CDON: variants seen among roughly 807,000 people sequenced by gnomAD.
CDON encodes cell adhesion associated, oncogene regulated, also known as cell adhesion molecule-related/down-regulated by oncogenes.
Under a neutral mutation model 120.9 loss-of-function variants are expected in CDON, and 73 were observed. The ratio of observed to expected loss-of-function variants is 0.60; its 90% CI spans 0.50 to 0.73. The LOEUF is 0.73. Ranked by LOEUF, CDON falls within the 30% of genes least tolerant of loss-of-function variation. The pLI, the probability that CDON is intolerant of heterozygous loss-of-function variation, is 0.00. For synonymous variants in CDON, 566 were observed against 573.5 expected (o/e 0.99, Z 0.19); for missense variants, 1,470 against 1,587.3 (o/e 0.93, Z 1.26).
intron 12 of CDON, among the ~76,000 whole-genome samples, chr11:125,995,952 G>T (rs1027489964): frequency 6.6e-6 from 1 of 152,162 alleles, no homozygotes; most frequent in Non-Finnish European, 1.5e-5. Flanking sequence ...GTCTTTTATG[G>T]TTTAATTTCT....
In CDON at chr11:125,960,643, T is replaced by C. The variant is rs1945616522; in HGVS notation, c.*299A>G. On this transcript the variant is annotated 3_prime_UTR_variant, in exon 20 of 20. Coordinates refer to ENST00000531738, the MANE Select transcript of CDON (RefSeq NM_001378964.1). ...TCCTTTGCATGAGGAGCTCTTGCTG[T>C]CACTATAGCTGTTAGAAAACATGGA... 2.7e-6 allele frequency: 1 copy of C among 374,178 alleles called. No individual in the cohort carries two copies. Among genetic ancestry groups the C allele is most frequent in the Non-Finnish European group, 4.9e-6 (1 of 203,178 alleles). 23.2% of individuals were successfully genotyped at this position (374,178 alleles called of 1,614,324 possible).
chr11:125,997,466 T>G lies in CDON; in HGVS notation c.2159-56A>C, dbSNP rs745629970. 9.3e-6 allele frequency: 12 copies of G among 1,292,044 alleles called. No homozygotes were observed. In the African/African-American group the frequency reaches 1.6e-4, roughly 17 times the overall value. The allele number at this position is 1,292,044 out of a possible 1,614,324, so 80.0% of individuals were successfully genotyped here. Reference sequence around the variant, plus strand: ...CACCATGTCAGAGACAAGAATAACATAGTTAAATTAAAGGGATAAGTCCCA... The same window carrying G: ...CACCATGTCAGAGACAAGAATAACAGAGTTAAATTAAAGGGATAAGTCCCA... On this transcript the variant is annotated intron_variant, in intron 11 of 19. Transcript: ENST00000531738.
chr11:126,045,853 C>A (rs909337430), intron 1 of CDON, among the ~76,000 whole-genome samples: 1 of 151,916 alleles, frequency 6.6e-6, no homozygotes, highest in Non-Finnish European at 1.5e-5. Flanking sequence ...GCCTGTAATC[C>A]CAGCTACTTT....
At chr11:125,971,392 A>AAAT (rs1447017262) in intron 18 of CDON, among the ~76,000 whole-genome samples, 1 of 143,286 alleles carries the variant, frequency 7.0e-6, no homozygotes. Context: ...CTAAATAAAT[A>AAAT]AATAAATAAA....
chr11:126,020,131 C>A (rs1947592138), intron 3 of CDON, among the ~76,000 whole-genome samples: 1 of 152,164 alleles, frequency 6.6e-6, no homozygotes, highest in South Asian at 2.1e-4. Context: ...GAAGTCACGG[C>A]ACCCTTTTTC....
At chr11:126,006,679 C>T (rs967596812) in intron 8 of CDON, among the ~76,000 whole-genome samples, 1 of 152,042 alleles carries the variant, frequency 6.6e-6, no homozygotes, top group African/African-American at 2.4e-5. Context: ...CCAAGGGGAT[C>T]CTGCAACTAC....
rs190706373 is a variant in CDON, at chr11:125,989,397, G to A, written c.2773+240C>T. 6.6e-3 allele frequency among the ~76,000 whole-genome samples: 1,010 copies of A among 152,226 alleles called. 5 individuals are homozygous for A. The highest frequency in any genetic ancestry group is 0.023 in the African/African-American group (955 of 41,546). ...CTAAAATTACAAAAATTAGCCAGGC[G>A]TGGTGGTGCGCACCTGCAGCCCCAG... On this transcript the variant is annotated intron_variant, in intron 15 of 19. Transcript: ENST00000531738.
Position 126,005,796 on chromosome 11 carries a change from C to A in CDON, c.1814G>T (p.Gly605Val), listed in dbSNP as rs1444575526. 11 of 1,613,976 alleles carry A rather than the reference C, an allele frequency of 6.8e-6. No individual in the cohort carries two copies. The highest frequency in any genetic ancestry group is 9.3e-6 in the Non-Finnish European group (11 of 1,180,012). Residue 605 changes from glycine to valine, a missense_variant, in exon 9 of 20, where the codon GGG (glycine) becomes GTG (valine). Transcript: ENST00000531738. The part of the protein sequence containing the change: ...NLVWRAGKDG[G>V]LPINAYFVKY... ...CACAAAGTAAGCATTGATGGGCAGC[C>A]CACCATCCTTGCCTGCCCTCCACAC...
intron 16 of CDON, 101 bp from the exon 17 acceptor site, chr11:125,981,430 G>A (rs1010787246): frequency 9.3e-6 from 11 of 1,179,506 alleles, no homozygotes; most frequent in Admixed American, 5.6e-5. Flanking sequence ...ACGCACACAC[G>A]CACACACGCA....
intron 18 of CDON, among the ~76,000 whole-genome samples, chr11:125,962,304 T>C (rs1945667637): frequency 6.6e-6 from 1 of 152,174 alleles, no homozygotes; most frequent in African/African-American, 2.4e-5. Flanking sequence ...CATTATTAAC[T>C]GGCTCCCAAA....
chr11:125,959,905 G>A lies in CDON; in HGVS notation c.*1037C>T, dbSNP rs1945592959. The stretch of plus-strand genomic sequence containing the variant: ...GAGAAACAGTCAAAAAGAGCCCATA[G>A]TGGCCATTTTATAAATTAATGTAAT... On this transcript the variant is annotated 3_prime_UTR_variant, in exon 20 of 20. Transcript: ENST00000531738. 1 of 152,038 alleles carries A rather than the reference G, an allele frequency of 6.6e-6. No individual in the cohort carries two copies. Among genetic ancestry groups the A allele is most frequent in the African/African-American group, 2.4e-5 (1 of 41,396 alleles). 9.4% of individuals were successfully genotyped at this position (152,038 alleles called of 1,614,324 possible).
rs757303464 is a variant in CDON, at chr11:125,995,060, G to T, written c.2363-8C>A. The T allele has an allele frequency of 6.2e-7, 1 of 1,609,400 alleles. No homozygotes were observed. ...TAAATTTGTATGTTGAACCTTTGAG[G>T]GAAAACAAAAACAAACAAACAACAA... On this transcript the variant is annotated splice_region_variant and splice_polypyrimidine_tract_variant and intron_variant, in intron 12 of 19. Coordinates refer to ENST00000531738, the MANE Select transcript of CDON (RefSeq NM_001378964.1).
At chr11:126,018,002 C>T (rs993479057) in intron 5 of CDON, among the ~76,000 whole-genome samples, 2 of 152,054 alleles carry the variant, frequency 1.3e-5, no homozygotes, top group African/African-American at 4.8e-5. Context: ...CACGTTCAAG[C>T]GATTCTACTG....
chr11:125,989,901 A>T, intron 14 of CDON, 142 bp from the exon 15 acceptor site: 1 of 719,756 alleles, frequency 1.4e-6, no homozygotes, highest in South Asian at 1.6e-5. Context: ...ACTTAATAGT[A>T]AGTATTTGAC....
chr11:126,056,727 A>C (rs924012346), intron 1 of CDON, among the ~76,000 whole-genome samples: 1 of 152,230 alleles, frequency 6.6e-6, no homozygotes, highest in African/African-American at 2.4e-5. Context: ...CAAATTCTGA[A>C]TGTATAGGCA....
Position 126,021,334 on chromosome 11 carries a change from T to C in CDON, c.263A>G (p.Asn88Ser). The stretch of plus-strand genomic sequence containing the variant: ...CTGGTAGTAACCCAAAAGAGAGGAG[T>C]TGAGAGAAAGAATTGTCAGAGTCCC... ...HQGTLTILSL[N>S]SSLLGYYQCL... The change falls in exon 3 of 20, where the codon AAC becomes AGC. Residue 88 changes from asparagine (N) to serine (S), a missense_variant. Coordinates refer to ENST00000531738, the MANE Select transcript of CDON (RefSeq NM_001378964.1). 2 of 1,613,806 alleles carry C rather than the reference T, an allele frequency of 1.2e-6. No homozygotes were observed. The highest frequency in any genetic ancestry group is 2.2e-5 in the East Asian group (1 of 44,872).
rs371325037 is a variant in CDON, at chr11:126,040,537, C to T, written c.-61-17000G>A. On this transcript the variant is annotated intron_variant, in intron 1 of 19. Transcript: ENST00000531738. ...ATAATTAAAAATAGGTACTAAAGGCCGGGCGCGGTGGCTCACGCCTATAAT... is the reference window on the plus strand; with the variant it reads ...ATAATTAAAAATAGGTACTAAAGGCTGGGCGCGGTGGCTCACGCCTATAAT... Among the ~76,000 whole-genome samples, 7 of 152,152 alleles carry T rather than the reference C, an allele frequency of 4.6e-5. No individual in the cohort carries two copies. The East Asian group carries it at 7.7e-4, about 17-fold the overall frequency.
At chr11:126,061,381 G>T (rs535573380) in intron 1 of CDON, among the ~76,000 whole-genome samples, 3 of 152,262 alleles carry the variant, frequency 2.0e-5, no homozygotes, top group Admixed American at 1.3e-4. Context: ...AAAATTTTTT[G>T]AAGGTTTTCT....
chr11:126,059,778 C>G (rs1948753635), intron 1 of CDON, among the ~76,000 whole-genome samples: 2 of 152,092 alleles, frequency 1.3e-5, no homozygotes, highest in Non-Finnish European at 2.9e-5. Flanking sequence ...ACATGTGGCT[C>G]TTTTAGGCAA....
Sources: allele counts gnomAD v4.1 joint callset (sites outside exome capture counted in the v4.1 genomes callset), GRCh38; gene constraint gnomAD v4.1.1; transcripts MANE v1.5; gene names NCBI Gene and HGNC (gene_info 2026-07-23, HGNC 2026-07-21).